The following RPSA2 variants were observed in gnomAD, a reference collection of about 807,000 sequenced individuals.
RPSA2 encodes small ribosomal subunit protein uS2B.
the RPSA2 span, among the ~76,000 whole-genome samples, chr19:23,759,108 C>T: frequency 3.9e-5 from 6 of 152,204 alleles, no homozygotes; most frequent in East Asian, 1.2e-3. Flanking sequence ...TAAGCCAGGC[C>T]CACCCAACAG....
At chr19:23,866,815 C>T in the RPSA2 span, among the ~76,000 whole-genome samples, 1 of 152,284 alleles carries the variant, frequency 6.6e-6, no homozygotes, top group East Asian at 1.9e-4. Context: ...AGAAGACAAA[C>T]CTTCCAAAGT....
At chr19:23,772,348 G>T in the RPSA2 span, among the ~76,000 whole-genome samples, 6 of 152,030 alleles carry the variant, frequency 3.9e-5, no homozygotes, top group African/African-American at 1.5e-4. Flanking sequence ...CTGCTGCTTG[G>T]TTCCTTCCCT....
the RPSA2 span, among the ~76,000 whole-genome samples, chr19:23,792,430 T>C: frequency 4.2e-3 from 646 of 152,270 alleles, 1 homozygote; most frequent in African/African-American, 0.015. Context: ...ATAAGGTTAA[T>C]ATAAAGGAGA....
the RPSA2 span, among the ~76,000 whole-genome samples, chr19:23,824,528 T>C: frequency 6.6e-6 from 1 of 151,650 alleles, no homozygotes; most frequent in African/African-American, 2.4e-5. Context: ...AGTTTTATGA[T>C]GGTGTTCATT....
At chr19:23,808,498 C>G in the RPSA2 span, among the ~76,000 whole-genome samples, 1 of 152,006 alleles carries the variant, frequency 6.6e-6, no homozygotes, top group South Asian at 2.1e-4. Context: ...AACTCCCGAC[C>G]TCGTGATCCC....
chr19:23,785,412 G>A, the RPSA2 span, among the ~76,000 whole-genome samples: 148,849 of 152,166 alleles, frequency 0.98, 72,894 homozygotes, highest in Middle Eastern at 1. Flanking sequence ...CTCTGCATCA[G>A]TCACCTAGGA....
the RPSA2 span, among the ~76,000 whole-genome samples, chr19:23,767,965 C>A: frequency 6.6e-6 from 1 of 151,766 alleles, no homozygotes; most frequent in Non-Finnish European, 1.5e-5. Flanking sequence ...CGGGGTTTCA[C>A]TGTGTTGGCC....
chr19:23,771,249 A>T, the RPSA2 span, among the ~76,000 whole-genome samples: 1 of 152,302 alleles, frequency 6.6e-6, no homozygotes, highest in South Asian at 2.1e-4. Context: ...GCTGCAGTCA[A>T]AAGTTGGAAA....
chr19:23,759,408 A>C, the RPSA2 span, among the ~76,000 whole-genome samples: 4 of 151,052 alleles, frequency 2.6e-5, no homozygotes, highest in African/African-American at 4.9e-5. Flanking sequence ...CCAGGGTAGG[A>C]GCCACCTTAC....
At chr19:23,851,546 T>C in the RPSA2 span, among the ~76,000 whole-genome samples, 1 of 152,202 alleles carries the variant, frequency 6.6e-6, no homozygotes, top group Non-Finnish European at 1.5e-5. Flanking sequence ...ATATGTTTAA[T>C]AGTAGCAGTT....
chr19:23,769,936 C>T, the RPSA2 span, among the ~76,000 whole-genome samples: 8 of 152,168 alleles, frequency 5.3e-5, no homozygotes, highest in African/African-American at 1.9e-4. Context: ...GGTGATGTGA[C>T]ACTCCTCTTC....
the RPSA2 span, among the ~76,000 whole-genome samples, chr19:23,837,517 TG>T: frequency 6.6e-6 from 1 of 152,198 alleles, no homozygotes; most frequent in African/African-American, 2.4e-5. Flanking sequence ...GGTATTTTGA[TG>T]GGGATTGTGT....
chr19:23,794,691 T>G, the RPSA2 span, among the ~76,000 whole-genome samples: 3 of 152,200 alleles, frequency 2.0e-5, no homozygotes, highest in African/African-American at 7.2e-5. Context: ...TTAGTTTAAT[T>G]AGGTCCAATT....
the RPSA2 span, among the ~76,000 whole-genome samples, chr19:23,867,212 T>A: frequency 6.6e-6 from 1 of 152,184 alleles, no homozygotes; most frequent in African/African-American, 2.4e-5. Flanking sequence ...CCAGTAAGGA[T>A]TGACCCCCAT....
chr19:23,808,792 T>A, the RPSA2 span: 1 of 909,308 alleles, frequency 1.1e-6, no homozygotes, highest in Admixed American at 2.0e-5. Flanking sequence ...TGAAGTGACA[T>A]GAGATGGTGG....
the RPSA2 span, among the ~76,000 whole-genome samples, chr19:23,834,396 G>T: frequency 6.6e-6 from 1 of 151,914 alleles, no homozygotes; most frequent in Non-Finnish European, 1.5e-5. Flanking sequence ...AGAGATTCTT[G>T]TTTATTAGGT....
At chr19:23,856,916 G>T in the RPSA2 span, among the ~76,000 whole-genome samples, 11 of 152,112 alleles carry the variant, frequency 7.2e-5, no homozygotes, top group African/African-American at 2.4e-4. Context: ...AGCGGTGCAC[G>T]TATTGTCTTG....
the RPSA2 span, among the ~76,000 whole-genome samples, chr19:23,838,396 C>A: frequency 1.3e-5 from 2 of 151,932 alleles, no homozygotes; most frequent in Non-Finnish European, 2.9e-5. Context: ...CTGTAGTTTT[C>A]TTTTTGGTTG....
chr19:23,790,634 C>G, the RPSA2 span: 25 of 291,046 alleles, frequency 8.6e-5, no homozygotes, highest in Middle Eastern at 8.6e-4. Flanking sequence ...GACTGTGTCT[C>G]TAGCTGCAGA....
Sources: allele counts gnomAD v4.1 joint callset (sites outside exome capture counted in the v4.1 genomes callset), GRCh38; gene constraint gnomAD v4.1.1; transcripts MANE v1.5; gene names NCBI Gene and HGNC (gene_info 2026-07-23, HGNC 2026-07-21).